SYT16: variants seen among roughly 807,000 people sequenced by gnomAD.
SYT16 encodes the protein synaptotagmin 16.
SYT16 carries 42 observed loss-of-function variants against 61.4 expected under a neutral mutation model. The ratio of observed to expected loss-of-function variants is 0.68; its 90% CI spans 0.53 to 0.89. The LOEUF is 0.89. Among genes scored for constraint, SYT16 ranks in the 40% least tolerant of loss-of-function variants. The pLI, the probability that SYT16 is intolerant of heterozygous loss-of-function variation, is 0.00. For synonymous variants in SYT16, 314 were observed against 302.3 expected (o/e 1.04, Z -0.40); for missense variants, 804 against 807.3 (o/e 1.00, Z 0.05).
intron 3 of SYT16, among the ~76,000 whole-genome samples, chr14:62,002,593 G>A (rs1023260432): frequency 2.0e-5 from 3 of 152,118 alleles, no homozygotes; most frequent in African/African-American, 4.8e-5. Flanking sequence ...AGGTTAGGAC[G>A]TTCTCAGTAA....
chr14:61,858,728 A>G (rs1380237371), intron 1 of SYT16, among the ~76,000 whole-genome samples: 1 of 152,216 alleles, frequency 6.6e-6, no homozygotes, highest in Admixed American at 6.5e-5. Flanking sequence ...TAGTTTTTCA[A>G]TAGAGTAGGC....
chr14:61,928,265 A>G (rs1487400042), intron 1 of SYT16, among the ~76,000 whole-genome samples: 1 of 152,066 alleles, frequency 6.6e-6, no homozygotes, highest in Non-Finnish European at 1.5e-5. Flanking sequence ...AGTGGAATTG[A>G]TTTGCTTTGT....
chr14:62,038,241 A>G (rs956151905), intron 3 of SYT16, among the ~76,000 whole-genome samples: 1 of 151,310 alleles, frequency 6.6e-6, no homozygotes, highest in African/African-American at 2.4e-5. Context: ...CTCAGGCAAG[A>G]GTACCATAAC....
downstream of SYT16, chr14:62,112,615 T>G (rs1466128566): frequency 6.6e-6 from 1 of 152,146 alleles, no homozygotes; most frequent in Non-Finnish European, 1.5e-5. Context: ...ACATGCAAAT[T>G]TTATGGGCCT....
chr14:61,849,463 G>C (rs2046545150), intron 1 of SYT16, among the ~76,000 whole-genome samples: 1 of 152,196 alleles, frequency 6.6e-6, no homozygotes, highest in Non-Finnish European at 1.5e-5. Context: ...ACTTTAGCTT[G>C]TGGTGGCGAG....
rs148575145 is a variant in SYT16, at chr14:62,051,622, G to A, written c.524-17981G>A. ...TCGGCCATCTTGGCTCCACCTCCCTGTATTTTTCTTTTTAAAATTGCATAG... is the reference window on the plus strand; with the variant it reads ...TCGGCCATCTTGGCTCCACCTCCCTATATTTTTCTTTTTAAAATTGCATAG... On this transcript the variant is annotated intron_variant, in intron 3 of 7. Coordinates refer to ENST00000683842, the MANE Select transcript of SYT16 (RefSeq NM_001367656.1). 9.0e-3 allele frequency among the ~76,000 whole-genome samples: 1,364 copies of A among 152,198 alleles called. 18 individuals are homozygous for A. The highest frequency in any genetic ancestry group is 0.032 in the African/African-American group (1,309 of 41,540).
chr14:61,935,979 G>A (rs2049965915), intron 1 of SYT16, among the ~76,000 whole-genome samples: 1 of 152,136 alleles, frequency 6.6e-6, no homozygotes, highest in Non-Finnish European at 1.5e-5. Context: ...TGAGAAACTT[G>A]TGTCTAACTA....
intron 1 of SYT16, among the ~76,000 whole-genome samples, chr14:61,907,747 A>G (rs2048778029): frequency 6.6e-6 from 1 of 152,244 alleles, no homozygotes; most frequent in Admixed American, 6.5e-5. Flanking sequence ...TGAATCACAC[A>G]GGTAACTCTG....
intron 3 of SYT16, among the ~76,000 whole-genome samples, chr14:62,036,018 T>A (rs184289661): frequency 3.3e-5 from 5 of 152,252 alleles, no homozygotes; most frequent in Admixed American, 1.3e-4. Context: ...GCTTCTACTT[T>A]TAAGGAGCTG....
At chr14:61,866,437 A>G (rs78647709) in intron 1 of SYT16, among the ~76,000 whole-genome samples, 13,715 of 152,142 alleles carry the variant, frequency 0.09, 690 homozygotes, top group Non-Finnish European at 0.11. Flanking sequence ...ACTTGATATC[A>G]TCAATTTATT....
At position 61,900,759 on chromosome 14, in the gene SYT16, T is replaced by C. The variant is rs373098991; in HGVS notation, c.-324-69373T>C. ...TTTCATCACTATCCTCCCAATTCCA[T>C]TCCAGGAAGGAGGGAGGGCCTGTTT... On this transcript the variant is annotated intron_variant, in intron 1 of 7. Coordinates refer to ENST00000683842, the MANE Select transcript of SYT16 (RefSeq NM_001367656.1). 1.4e-4 allele frequency among the ~76,000 whole-genome samples: 22 copies of C among 152,292 alleles called. No individual in the cohort carries two copies. The East Asian group carries it at 3.7e-3, about 25-fold the overall frequency.
At chr14:62,073,730 C>CT (rs2056381906) in intron 4 of SYT16, among the ~76,000 whole-genome samples, 1 of 151,614 alleles carries the variant, frequency 6.6e-6, no homozygotes, top group East Asian at 2.0e-4. Flanking sequence ...AATTTGAATG[C>CT]TTACTATACA....
intron 1 of SYT16, among the ~76,000 whole-genome samples, chr14:61,951,993 T>C (rs138333817): frequency 2.5e-3 from 387 of 152,276 alleles, no homozygotes; most frequent in African/African-American, 8.8e-3. Context: ...TTCGCCATGT[T>C]GCCCAGGCTG....
intron 1 of SYT16, among the ~76,000 whole-genome samples, chr14:61,845,351 A>G (rs1215746482): frequency 6.6e-6 from 1 of 152,002 alleles, no homozygotes; most frequent in Non-Finnish European, 1.5e-5. Flanking sequence ...CCAGCCTGGG[A>G]GACTTTTTAT....
intron 1 of SYT16, among the ~76,000 whole-genome samples, chr14:61,946,418 C>T (rs1032751294): frequency 4.6e-5 from 7 of 151,958 alleles, no homozygotes; most frequent in East Asian, 1.9e-4. Flanking sequence ...AAAGGTGGGA[C>T]GGTAGGAGGG....
intron 1 of SYT16, among the ~76,000 whole-genome samples, chr14:61,900,364 G>A (rs2048470924): frequency 6.6e-6 from 1 of 152,078 alleles, no homozygotes. Flanking sequence ...TGCCATGTTG[G>A]CCAGGCTGGT....
At chr14:61,943,712 A>G (rs2050304097) in intron 1 of SYT16, among the ~76,000 whole-genome samples, 1 of 152,220 alleles carries the variant, frequency 6.6e-6, no homozygotes, top group South Asian at 2.1e-4. Context: ...TCGATAAATT[A>G]GGCATTGATG....
intron 3 of SYT16, among the ~76,000 whole-genome samples, chr14:62,005,012 T>C (rs2053165302): frequency 6.6e-6 from 1 of 152,134 alleles, no homozygotes; most frequent in Non-Finnish European, 1.5e-5. Flanking sequence ...CAGTGAACAC[T>C]GTGTGGGTGG....
intron 3 of SYT16, among the ~76,000 whole-genome samples, chr14:62,058,262 G>A (rs1376925793): frequency 1.3e-5 from 2 of 151,114 alleles, no homozygotes; most frequent in Non-Finnish European, 2.9e-5. Context: ...GTGTGAACAT[G>A]TGTCTTTGTT....
Sources: gnomAD v4.1 joint callset for allele counts (sites outside exome capture counted in the v4.1 genomes callset) on GRCh38, gnomAD v4.1.1 for gene constraint, MANE v1.5 for transcripts, NCBI Gene and HGNC (gene_info 2026-07-23, HGNC 2026-07-21) for gene names.